Variants in PGM2L1 observed in about 807,000 individuals in gnomAD.
The protein encoded by PGM2L1 is glucose 1,6-bisphosphate synthase.
PGM2L1 carries 35 observed loss-of-function variants against 73.4 expected under a neutral mutation model. The ratio of observed to expected loss-of-function variants is 0.48; its 90% CI spans 0.36 to 0.63. The LOEUF (loss-of-function observed/expected upper bound fraction) is 0.63, where lower values mean the gene tolerates loss of function less well. Ranked by LOEUF, PGM2L1 falls within the 30% of genes least tolerant of loss-of-function variation. The pLI, the probability that PGM2L1 is intolerant of heterozygous loss-of-function variation, is 0.00. For missense variants in PGM2L1, 570 were observed against 742.0 expected (o/e 0.77, Z 2.69); for synonymous variants, 225 against 253.8 (o/e 0.89, Z 1.08).
Position 74,371,725 on chromosome 11 carries a change from G to T in PGM2L1, c.372C>A (p.Ser124Arg). Residue 124 changes from serine (S) to arginine (R), a missense_variant, in exon 3 of 14, where the codon AGC (serine) becomes AGA (arginine). Transcript: ENST00000298198. ...GYDTRGQVTS[S>R]CSSQRLAKLT... ...TAACTTTGTACCTCTGGCTGCTGCA[G>T]CTGCTAGTTACTTGACCCCGAGTGT... 6.2e-7 allele frequency: 1 copy of T among 1,613,134 alleles called. No individual in the cohort carries two copies. Among genetic ancestry groups the T allele is most frequent in the Non-Finnish European group, 8.5e-7 (1 of 1,179,148 alleles).
intron 1 of PGM2L1, among the ~76,000 whole-genome samples, chr11:74,388,846 A>G (rs1336830677): frequency 6.6e-6 from 1 of 152,172 alleles, no homozygotes; most frequent in African/African-American, 2.4e-5. Flanking sequence ...TTAACTCCCG[A>G]TACTAGAGGG....
At position 74,332,637 on chromosome 11, in the gene PGM2L1, A is replaced by AAT. The variant is rs1411245590; in HGVS notation, c.*4013_*4014dup. On this transcript the variant is annotated 3_prime_UTR_variant, in exon 14 of 14. Transcript: ENST00000298198. ...AAGTTTGGATTTTTCAAGCATCACAAATATCAATGGAAAATGTGGAAAAAA... is the reference window on the plus strand; with the variant it reads ...AAGTTTGGATTTTTCAAGCATCACAAATATATCAATGGAAAATGTGGAAAAAA... The AAT allele has an allele frequency of 1.3e-5, 2 of 152,620 alleles. No individual in the cohort carries two copies. The highest frequency in any genetic ancestry group is 4.8e-5 in the African/African-American group (2 of 41,446). 9.5% of individuals were successfully genotyped at this position (152,620 alleles called of 1,614,324 possible).
chr11:74,381,465 A>G (rs947663466), intron 1 of PGM2L1, among the ~76,000 whole-genome samples: 15 of 151,808 alleles, frequency 9.9e-5, no homozygotes, highest in African/African-American at 3.6e-4. Flanking sequence ...CTCCTACCTC[A>G]TGGACCAGCC....
At chr11:74,395,549 CTTTTTTTTTTTTTTTTT>C (rs60883108) in intron 1 of PGM2L1, among the ~76,000 whole-genome samples, 2 of 64,918 alleles carry the variant, frequency 3.1e-5, no homozygotes, top group Non-Finnish European at 5.0e-5. Context: ...CCTCGCCTGG[CTTTTTTTTTTTTTTTTT>C]TTTTTTTTTT....
chr11:74,383,824 A>AATAAATATAT lies in PGM2L1; in HGVS notation c.112-9243_112-9242insATATATTTAT, dbSNP rs61026077. On this transcript the variant is annotated intron_variant, in intron 1 of 13. Transcript: ENST00000298198. ...AGTATTCTATGGAGATATATAAATA[A>AATAAATATAT]ATATATATATATATATATAACATTT... is the stretch of plus-strand genomic sequence containing the variant. 9.0e-4 allele frequency among the ~76,000 whole-genome samples: 110 copies of AATAAATATAT among 121,840 alleles called. 3 individuals carry two copies. The highest frequency in any genetic ancestry group is 3.3e-3 in the African/African-American group (94 of 28,736). The allele number at this position is 121,840 out of a possible 152,430, so 79.9% of individuals were successfully genotyped here.
intron 1 of PGM2L1, among the ~76,000 whole-genome samples, chr11:74,394,480 C>T (rs949343813): frequency 1.3e-5 from 2 of 152,098 alleles, no homozygotes; most frequent in African/African-American, 4.8e-5. Context: ...ACATGGAGTA[C>T]CCCAAACTGC....
chr11:74,339,647 A>T (rs1450244212), intron 12 of PGM2L1, among the ~76,000 whole-genome samples: 1 of 152,046 alleles, frequency 6.6e-6, no homozygotes, highest in Non-Finnish European at 1.5e-5. Context: ...GGTGACCATC[A>T]CACCTCATCT....
intron 4 of PGM2L1, 126 bp downstream of exon 4, chr11:74,370,776 C>A: frequency 1.7e-6 from 1 of 601,736 alleles, no homozygotes; most frequent in Non-Finnish European, 2.6e-6. Context: ...AATTTGTTTT[C>A]CTTCCATTGG....
intron 1 of PGM2L1, among the ~76,000 whole-genome samples, chr11:74,376,650 C>T (rs1419304643): frequency 2.6e-5 from 4 of 151,914 alleles, no homozygotes; most frequent in Non-Finnish European, 5.9e-5. Context: ...ATCCAGCAGA[C>T]ATAAATGCTG....
intron 1 of PGM2L1, among the ~76,000 whole-genome samples, chr11:74,383,695 G>A (rs2134946165): frequency 6.6e-6 from 1 of 151,846 alleles, no homozygotes; most frequent in South Asian, 2.1e-4. Flanking sequence ...AGAACATGCG[G>A]TGTTCGGTTT....
chr11:74,354,796 C>A, intron 5 of PGM2L1: 1 of 946,080 alleles, frequency 1.1e-6, no homozygotes, highest in Non-Finnish European at 1.7e-6. Context: ...CCCTGAAGAA[C>A]ATCACCTAAG....
chr11:74,355,783 CTA>C, intron 5 of PGM2L1: 1 of 460,704 alleles, frequency 2.2e-6, no homozygotes, highest in Non-Finnish European at 4.3e-6. Context: ...GACAGGGAAG[CTA>C]TAGGTTACAA....
intron 6 of PGM2L1, 54 bp from the exon 7 acceptor site, chr11:74,347,391 A>G: frequency 7.4e-7 from 1 of 1,344,858 alleles, no homozygotes; most frequent in Non-Finnish European, 1.0e-6. Context: ...TACCTTTGAT[A>G]TAATTAAAAA....
chr11:74,334,233 A>G lies in PGM2L1; in HGVS notation c.*2419T>C, dbSNP rs1054701343. ...ACTGTTTTCTTCATAATAGAATGAC[A>G]GTCATGACATGGCTTTAGTAACTAT... On this transcript the variant is annotated 3_prime_UTR_variant, in exon 14 of 14. Coordinates refer to ENST00000298198, the MANE Select transcript of PGM2L1 (RefSeq NM_173582.6). 7 of 152,222 alleles carry G rather than the reference A, an allele frequency of 4.6e-5. No individual in the cohort carries two copies. Among genetic ancestry groups the G allele is most frequent in the Non-Finnish European group, 7.3e-5 (5 of 68,034 alleles). The allele number at this position is 152,222 out of a possible 1,614,324, so 9.4% of individuals were successfully genotyped here.
At chr11:74,363,619 G>T (rs534560692) in intron 5 of PGM2L1, among the ~76,000 whole-genome samples, 3 of 152,186 alleles carry the variant, frequency 2.0e-5, no homozygotes, top group African/African-American at 7.2e-5. Flanking sequence ...TAGAAGAAAT[G>T]GATAAATTCC....
chr11:74,394,318 A>G (rs73554647), intron 1 of PGM2L1, among the ~76,000 whole-genome samples: 3,331 of 152,316 alleles, frequency 0.022, 121 homozygotes, highest in African/African-American at 0.077. Flanking sequence ...TTAATAAAAC[A>G]TTCTGAATTC....
chr11:74,344,094 C>T (rs560558356), intron 9 of PGM2L1, among the ~76,000 whole-genome samples: 3 of 151,756 alleles, frequency 2.0e-5, no homozygotes, highest in Non-Finnish European at 4.4e-5. Flanking sequence ...TTTTTTAATG[C>T]TCAAAAACGC....
intron 1 of PGM2L1, 171 bp downstream of exon 1, chr11:74,397,880 G>A: frequency 8.2e-7 from 1 of 1,214,992 alleles, no homozygotes; most frequent in South Asian, 2.3e-5. Context: ...GGCTCTGGCA[G>A]TCCGAAGGAG....
intron 11 of PGM2L1, 72 bp from the exon 12 acceptor site, chr11:74,342,722 C>G: frequency 7.2e-7 from 1 of 1,392,278 alleles, no homozygotes; most frequent in Non-Finnish European, 9.7e-7. Context: ...TAAGGAAGAT[C>G]AGCCTACTAT....
Sources: gnomAD v4.1 joint callset for allele counts (sites outside exome capture counted in the v4.1 genomes callset) on GRCh38, gnomAD v4.1.1 for gene constraint, MANE v1.5 for transcripts, NCBI Gene and HGNC (gene_info 2026-07-23, HGNC 2026-07-21) for gene names.